The following DNAH5 variants were observed in gnomAD, a reference collection of about 807,000 sequenced individuals.
DNAH5 encodes axonemal beta dynein heavy chain 5.
In DNAH5, 372 loss-of-function variants were observed where a neutral mutation model predicts 518.2. The ratio of observed to expected loss-of-function variants is 0.72; its 90% CI spans 0.66 to 0.78. The LOEUF (loss-of-function observed/expected upper bound fraction) is 0.78. Among genes scored for constraint, DNAH5 ranks in the 30% least tolerant of loss-of-function variants. The pLI, the probability that DNAH5 is intolerant of heterozygous loss-of-function variation, is 0.00. For missense variants in DNAH5, 5,523 were observed against 5,687.0 expected, an observed-to-expected ratio of 0.97 and a Z score of 0.93; for synonymous variants, 2,039 against 2,025.9, an observed-to-expected ratio of 1.01 and a Z score of -0.17.
chr5:13,749,617 A>G lies in DNAH5; in HGVS notation c.11211+1461T>C, dbSNP rs142287764. ...GGAGACTGTATTCATTCAGTTGAATATAAGAAAACCAAGGACAAGAATATT... is the reference window on the plus strand; with the variant it reads ...GGAGACTGTATTCATTCAGTTGAATGTAAGAAAACCAAGGACAAGAATATT... On this transcript the variant is annotated intron_variant, in intron 65 of 78. Transcript: ENST00000265104. Among the ~76,000 whole-genome samples, 7 of 152,302 alleles carry G rather than the reference A, an allele frequency of 4.6e-5. No homozygotes were observed. The East Asian group carries it at 5.8e-4, about 13-fold the overall frequency.
intron 39 of DNAH5, among the ~76,000 whole-genome samples, 173 bp downstream of exon 39, chr5:13,824,026 T>C (rs937591289): frequency 6.6e-6 from 1 of 152,186 alleles, no homozygotes; most frequent in Non-Finnish European, 1.5e-5. Flanking sequence ...TAGGAATCAT[T>C]ACCCAAAAAA....
At position 13,908,549 on chromosome 5, in the gene DNAH5, G is replaced by C. The variant is rs139078564; in HGVS notation, c.1644+2837C>G. On this transcript the variant is annotated intron_variant, in intron 12 of 78. Coordinates refer to ENST00000265104, the MANE Select transcript of DNAH5 (RefSeq NM_001369.3). ...CCATCCTTACAGTTTGTGGGGTCTG[G>C]GTTGTGGAATCTTCATACTCGTCTT... 1.5e-4 allele frequency among the ~76,000 whole-genome samples: 23 copies of C among 152,216 alleles called. 1 individual carries two copies. The East Asian group carries it at 4.4e-3, about 29-fold the overall frequency.
At chr5:13,965,071 C>T (rs1781440888) in intron 1 of DNAH5, among the ~76,000 whole-genome samples, 1 of 152,162 alleles carries the variant, frequency 6.6e-6, no homozygotes, top group African/African-American at 2.4e-5. Flanking sequence ...TTCCCTAATG[C>T]CAGTCCCTCC....
intron 1 of DNAH5, among the ~76,000 whole-genome samples, chr5:13,941,856 A>G (rs1779489726): frequency 6.6e-6 from 1 of 152,228 alleles, no homozygotes; most frequent in Non-Finnish European, 1.5e-5. Context: ...TTTTAAAACC[A>G]GCTTTGCAAT....
intron 78 of DNAH5, among the ~76,000 whole-genome samples, chr5:13,694,692 A>G (rs1470598125): frequency 6.6e-6 from 1 of 152,194 alleles, no homozygotes; most frequent in Non-Finnish European, 1.5e-5. Context: ...TCCAACATCC[A>G]AAATAATCGT....
Position 13,751,266 on chromosome 5 carries a change from T to C in DNAH5, c.11029-6A>G. 1.2e-6 allele frequency: 2 copies of C among 1,609,618 alleles called. No homozygotes were observed. Among genetic ancestry groups the C allele is most frequent in the Non-Finnish European group, 1.7e-6 (2 of 1,177,952 alleles). On this transcript the variant is annotated splice_region_variant and splice_polypyrimidine_tract_variant and intron_variant, in intron 64 of 78. Coordinates refer to ENST00000265104, the MANE Select transcript of DNAH5 (RefSeq NM_001369.3). The stretch of plus-strand genomic sequence containing the variant: ...TCCTTGTCACCAACTTTCACCTTTT[T>C]TATAAAAAGAAATTTAAAAGTAATA...
chr5:13,902,009 A>G, intron 13 of DNAH5, 44 bp downstream of exon 13: 1 of 1,330,620 alleles, frequency 7.5e-7, no homozygotes, highest in Non-Finnish European at 1.1e-6. Flanking sequence ...TAAAAGCTAA[A>G]CTATCCCAAT....
At chr5:13,946,009 T>C (rs1779881996), upstream of DNAH5, among the ~76,000 whole-genome samples, 1 of 152,320 alleles carries the variant, frequency 6.6e-6, no homozygotes, top group African/African-American at 2.4e-5. Flanking sequence ...GTCCCTTCTC[T>C]GTGTGGTGCT....
rs572577618 is a variant in DNAH5, at chr5:13,768,826, T to C, written c.9897+134A>G. ...CTAATAAAGTCTCAAGCAGAAAATATTACTTGAAATCACTCAAGTGGATAG... is the reference window on the plus strand; with the variant it reads ...CTAATAAAGTCTCAAGCAGAAAATACTACTTGAAATCACTCAAGTGGATAG... On this transcript the variant is annotated intron_variant, in intron 58 of 78. Transcript: ENST00000265104. 1.2e-4 allele frequency: 122 copies of C among 1,027,120 alleles called. No individual in the cohort carries two copies. The East Asian group carries it at 2.9e-3, about 24-fold the overall frequency. The allele number at this position is 1,027,120 out of a possible 1,614,324, so 63.6% of individuals were successfully genotyped here.
intron 78 of DNAH5, among the ~76,000 whole-genome samples, 184 bp from the exon 79 acceptor site, chr5:13,692,319 C>G (rs909439068): frequency 6.6e-6 from 1 of 152,138 alleles, no homozygotes; most frequent in African/African-American, 2.4e-5. Context: ...CACATGGTGC[C>G]AGCAGATGTG....
At chr5:13,876,864 A>G (rs1252175780) in intron 21 of DNAH5, 47 bp from the exon 22 acceptor site, 10 of 1,585,858 alleles carry the variant, frequency 6.3e-6, no homozygotes, top group Non-Finnish European at 7.8e-6. Flanking sequence ...TCACACAAGA[A>G]TGTACTTTCA....
At chr5:13,875,343 T>C (rs1404346690) in intron 22 of DNAH5, among the ~76,000 whole-genome samples, 1 of 151,798 alleles carries the variant, frequency 6.6e-6, no homozygotes, top group Non-Finnish European at 1.5e-5. Context: ...GGTGCATGCC[T>C]CTAATCCCAG....
intron 12 of DNAH5, 115 bp downstream of exon 12, chr5:13,911,271 T>C: frequency 1.2e-6 from 1 of 803,624 alleles, no homozygotes; most frequent in South Asian, 1.4e-5. Flanking sequence ...TTGCTATCGG[T>C]CACCTCCATG....
chr5:13,786,015 C>A (rs890367702), intron 52 of DNAH5, among the ~76,000 whole-genome samples, 164 bp downstream of exon 52: 1 of 152,014 alleles, frequency 6.6e-6, no homozygotes, highest in Non-Finnish European at 1.5e-5. Flanking sequence ...CTATAAGGTG[C>A]GACATGTTGC....
At chr5:13,705,586 A>C (rs192356372) in intron 76 of DNAH5, among the ~76,000 whole-genome samples, 104 of 152,186 alleles carry the variant, frequency 6.8e-4, no homozygotes, top group Admixed American at 4.1e-3. Flanking sequence ...TGACCTAGCT[A>C]CCTCTCCCAC....
At chr5:13,797,527 T>C (rs1461283994) in intron 47 of DNAH5, among the ~76,000 whole-genome samples, 2 of 152,052 alleles carry the variant, frequency 1.3e-5, no homozygotes, top group East Asian at 3.9e-4. Flanking sequence ...CCAATCAGAA[T>C]GGCAATCATT....
At chr5:14,006,453 G>A (rs1490949708) in intron 1 of DNAH5, among the ~76,000 whole-genome samples, 3 of 152,068 alleles carry the variant, frequency 2.0e-5, no homozygotes, top group East Asian at 1.9e-4. Context: ...TTCTTCTGAC[G>A]CCTCTCTCCT....
chr5:13,978,172 G>A (rs1782410903), intron 1 of DNAH5, among the ~76,000 whole-genome samples: 1 of 152,184 alleles, frequency 6.6e-6, no homozygotes, highest in Non-Finnish European at 1.5e-5. Flanking sequence ...GAGAGACCTC[G>A]CACCAGAGCC....
chr5:13,783,779 C>T (rs1038468119), intron 52 of DNAH5, among the ~76,000 whole-genome samples: 3 of 152,234 alleles, frequency 2.0e-5, no homozygotes, highest in African/African-American at 7.2e-5. Context: ...GCAGTTCTTA[C>T]TCTTGGCTTC....
Sources: allele counts gnomAD v4.1 joint callset (sites outside exome capture counted in the v4.1 genomes callset), GRCh38; gene constraint gnomAD v4.1.1; transcripts MANE v1.5; gene names NCBI Gene and HGNC (gene_info 2026-07-23, HGNC 2026-07-21).